The following NIBAN2 variants were observed in gnomAD, a reference collection of about 807,000 sequenced individuals.
NIBAN2 encodes niban apoptosis regulator 2.
In NIBAN2, 36 loss-of-function variants were observed where a neutral mutation model predicts 81.8. The ratio of observed to expected loss-of-function variants is 0.44; its 90% CI spans 0.34 to 0.58. The LOEUF is 0.58. NIBAN2 is among the 20% of genes least tolerant of loss of function. NIBAN2 has a pLI of 0.02. For missense variants in NIBAN2, 897 were observed against 1,014.1 expected (o/e 0.88, Z 1.57); for synonymous variants, 445 against 441.6 (o/e 1.01, Z -0.10).
chr9:127,548,517 G>C (rs1404251521), intron 1 of NIBAN2, among the ~76,000 whole-genome samples: 2 of 152,200 alleles, frequency 1.3e-5, no homozygotes, highest in East Asian at 3.8e-4. Context: ...CAGCCTTAGG[G>C]GGTGGAGAAG....
At chr9:127,574,612 G>A (rs1185264769) in intron 1 of NIBAN2, among the ~76,000 whole-genome samples, 4 of 151,926 alleles carry the variant, frequency 2.6e-5, no homozygotes, top group Non-Finnish European at 5.9e-5. Context: ...CAGTTGGCAC[G>A]GAGTCCCAGC....
intron 1 of NIBAN2, among the ~76,000 whole-genome samples, chr9:127,541,018 AG>A (rs1321339740): frequency 1.3e-5 from 2 of 152,070 alleles, no homozygotes; most frequent in African/African-American, 4.8e-5. Flanking sequence ...CAGCATGGGG[AG>A]GTGGGGGAAA....
At chr9:127,521,228 G>C (rs971177036) in intron 5 of NIBAN2, among the ~76,000 whole-genome samples, 1 of 152,220 alleles carries the variant, frequency 6.6e-6, no homozygotes, top group Admixed American at 6.5e-5. Flanking sequence ...GGAAAGAACT[G>C]AGGCTCAGAG....
At chr9:127,552,266 C>A (rs1837590011) in intron 1 of NIBAN2, among the ~76,000 whole-genome samples, 1 of 152,160 alleles carries the variant, frequency 6.6e-6, no homozygotes, top group Non-Finnish European at 1.5e-5. Context: ...TCCAACACAG[C>A]ACTGTTTACA....
Position 127,507,527 on chromosome 9 carries a change from T to C in NIBAN2, c.1655-96A>G. The C allele has an allele frequency of 8.9e-7, 1 of 1,123,714 alleles. No individual in the cohort carries two copies. The highest frequency in any genetic ancestry group is 1.7e-5 in the South Asian group (1 of 57,954). The allele number at this position is 1,123,714 out of a possible 1,614,324, so 69.6% of individuals were successfully genotyped here. A position where few individuals can be genotyped will look rare whatever the true frequency, so the allele number is the denominator to read the frequency against. ...CAAAGAAGACCCGTCTCATCCCGCC[T>C]TGGGGGTCTGTGGTTGGGATGTGAC... On this transcript the variant is annotated intron_variant, in intron 13 of 13. Transcript: ENST00000373312. The surrounding 1 kb of genome is among the most constrained non-coding windows in gnomAD (Gnocchi z 6.8).
At chr9:127,578,842 GC>G in intron 1 of NIBAN2, 2 of 1,409,284 alleles carry the variant, frequency 1.4e-6, no homozygotes, top group Non-Finnish European at 2.0e-6. Flanking sequence ...GAGTGACAGA[GC>G]AAAACCTCCT....
At position 127,517,024 on chromosome 9, in the gene NIBAN2, G is replaced by A. The variant is rs1310658512; in HGVS notation, c.811-5C>T. On this transcript the variant is annotated splice_polypyrimidine_tract_variant and splice_region_variant and intron_variant, in intron 7 of 13. Transcript: ENST00000373312. This position sits in a 1 kb window ranked among gnomAD's most constrained non-coding sequence, Gnocchi z 4.0. ...GTGGTACACGGCGTCCGAGATCTGT[G>A]GGCAGAGCAGCTGAATTGGCACCAG... is the stretch of plus-strand genomic sequence containing the variant. 2.5e-6 allele frequency: 4 copies of A among 1,612,574 alleles called. No individual in the cohort carries two copies. The highest frequency in any genetic ancestry group is 2.2e-5 in the South Asian group (2 of 91,038).
intron 4 of NIBAN2, among the ~76,000 whole-genome samples, chr9:127,524,245 G>T (rs1371747019): frequency 5.9e-5 from 9 of 152,198 alleles, no homozygotes; most frequent in Admixed American, 2.6e-4. Flanking sequence ...GTGTCCACAG[G>T]GGGAGGGAGG....
upstream of NIBAN2, among the ~76,000 whole-genome samples, chr9:127,570,706 C>G (rs1271453242): frequency 2.0e-5 from 3 of 152,242 alleles, no homozygotes; most frequent in Non-Finnish European, 4.4e-5. Flanking sequence ...AGACTTTTGA[C>G]AGCAGATACT....
At chr9:127,509,927 C>T (rs937998338) in intron 9 of NIBAN2, 17 of 388,126 alleles carry the variant, frequency 4.4e-5, no homozygotes, top group East Asian at 1.5e-4. Flanking sequence ...GGCTGGTGGC[C>T]GGGAGCTAAT....
chr9:127,528,558 C>T (rs79683925), intron 2 of NIBAN2, among the ~76,000 whole-genome samples: 77 of 152,258 alleles, frequency 5.1e-4, no homozygotes, highest in Middle Eastern at 3.4e-3. Flanking sequence ...CTCCCCAGCT[C>T]CCTCCCTGCT....
intron 8 of NIBAN2, among the ~76,000 whole-genome samples, chr9:127,515,113 T>C (rs1836800666): frequency 6.6e-6 from 1 of 152,024 alleles, no homozygotes; most frequent in South Asian, 2.1e-4. Context: ...GTAGTCCCAG[T>C]TACGCAGGAG....
intron 1 of NIBAN2, among the ~76,000 whole-genome samples, chr9:127,557,002 G>A (rs532969307): frequency 2.6e-5 from 4 of 152,172 alleles, no homozygotes; most frequent in Admixed American, 6.5e-5. Context: ...GCCGGAGCCC[G>A]GGAGGTTGAG....
chr9:127,533,963 A>T (rs1837228520), intron 1 of NIBAN2, among the ~76,000 whole-genome samples: 1 of 152,230 alleles, frequency 6.6e-6, no homozygotes, highest in Admixed American at 6.5e-5. Flanking sequence ...ATGGCCTTGA[A>T]GGCAGGCCCA....
At chr9:127,520,296 T>C (rs140431329) in intron 5 of NIBAN2, among the ~76,000 whole-genome samples, 5,174 of 148,172 alleles carry the variant, frequency 0.035, 296 homozygotes, top group African/African-American at 0.12. Context: ...TGGAGTTCAG[T>C]GGTGCAATCT....
Position 127,508,939 on chromosome 9 carries a change from AC to A in NIBAN2, c.1317+36del. 1.9e-6 allele frequency: 3 copies of A among 1,611,968 alleles called. No homozygotes were observed. Among genetic ancestry groups the A allele is most frequent in the Non-Finnish European group, 2.5e-6 (3 of 1,179,316 alleles). Reference sequence around the variant, plus strand: ...CGAGGGGGCCTGTGGAAGGCAGTGGACAGGGTGTGGGGTGGGGGTCGTAGCC... The same window carrying A: ...CGAGGGGGCCTGTGGAAGGCAGTGGAAGGGTGTGGGGTGGGGGTCGTAGCC... On this transcript the variant is annotated intron_variant, in intron 10 of 13. Transcript: ENST00000373312. This position sits in a 1 kb window ranked among gnomAD's most constrained non-coding sequence, Gnocchi z 6.4.
chr9:127,540,164 TA>T (rs1837351227), intron 1 of NIBAN2, among the ~76,000 whole-genome samples: 1 of 152,118 alleles, frequency 6.6e-6, no homozygotes, highest in Non-Finnish European at 1.5e-5. Context: ...GCCGGAACGT[TA>T]ATTAATCTCT....
intron 4 of NIBAN2, among the ~76,000 whole-genome samples, chr9:127,524,582 T>C (rs117270866): frequency 6.6e-6 from 1 of 151,058 alleles, no homozygotes; most frequent in African/African-American, 2.4e-5. Flanking sequence ...CCAGGAATGC[T>C]GCTGGAATCC....
At chr9:127,543,867 G>A (rs1837425033) in intron 1 of NIBAN2, among the ~76,000 whole-genome samples, 1 of 152,202 alleles carries the variant, frequency 6.6e-6, no homozygotes, top group Non-Finnish European at 1.5e-5. Flanking sequence ...GCTAATGCAT[G>A]TAACAGTTAG....
Sources: gnomAD v4.1 joint callset for allele counts (sites outside exome capture counted in the v4.1 genomes callset) on GRCh38, gnomAD v4.1.1 for gene constraint, Gnocchi (gnomAD v3.1) non-coding constraint, MANE v1.5 for transcripts, NCBI Gene and HGNC (gene_info 2026-07-23, HGNC 2026-07-21) for gene names.